FRAS1: variants seen among roughly 807,000 people sequenced by gnomAD.
FRAS1 encodes extracellular matrix organizing protein FRAS1.
FRAS1 carries 290 observed loss-of-function variants against 435.2 expected under a neutral mutation model. The observed-to-expected ratio is 0.67, with a 90% CI of 0.61 to 0.73. The LOEUF is 0.73. Ranked by LOEUF, FRAS1 falls within the 30% of genes least tolerant of loss-of-function variation. The probability of loss-of-function intolerance (pLI) is 0.00; values close to 1 mark genes in which losing one functional copy is unlikely to be tolerated. For synonymous variants in FRAS1, 1,800 were observed against 1,851.0 expected, an observed-to-expected ratio of 0.97 and a Z score of 0.71; for missense variants, 4,860 against 5,001.5, an observed-to-expected ratio of 0.97 and a Z score of 0.85.
In FRAS1 at chr4:78,180,495, T is replaced by C. The variant is rs1721951839; in HGVS notation, c.109-57015T>C. The stretch of plus-strand genomic sequence containing the variant: ...GTAATTGGGGGAACTTCTAAATCCT[T>C]AATTAAAAAACACAAATGAAGTGAA... On this transcript the variant is annotated intron_variant, in intron 2 of 73. Transcript: ENST00000512123. Among the ~76,000 whole-genome samples, 6 of 152,168 alleles carry C rather than the reference T, an allele frequency of 3.9e-5. No individual in the cohort carries two copies. The South Asian group carries it at 1.2e-3, about 31-fold the overall frequency.
intron 19 of FRAS1, among the ~76,000 whole-genome samples, chr4:78,334,369 T>TC (rs1271869442): frequency 3.1e-5 from 3 of 97,264 alleles, no homozygotes; most frequent in East Asian, 2.2e-4. Flanking sequence ...TTTTCTTTTT[T>TC]TTTTTTTTTT....
intron 2 of FRAS1, among the ~76,000 whole-genome samples, chr4:78,151,093 A>G (rs1054914652): frequency 6.6e-6 from 1 of 152,200 alleles, no homozygotes; most frequent in Non-Finnish European, 1.5e-5. Flanking sequence ...TTTCACCACC[A>G]CTAATGAGAT....
intron 29 of FRAS1, among the ~76,000 whole-genome samples, chr4:78,399,325 G>A (rs1409393839): frequency 1.3e-5 from 2 of 152,156 alleles, no homozygotes; most frequent in African/African-American, 2.4e-5. Context: ...TCTTTTCAGA[G>A]TATTCTTCTC....
At chr4:78,418,709 G>C (rs1003675844) in intron 32 of FRAS1, among the ~76,000 whole-genome samples, 6 of 152,156 alleles carry the variant, frequency 3.9e-5, no homozygotes, top group Non-Finnish European at 8.8e-5. Context: ...CGGGCAGTTG[G>C]GGGAGAGGAG....
intron 6 of FRAS1, among the ~76,000 whole-genome samples, chr4:78,256,661 C>T (rs1286150741): frequency 6.6e-6 from 1 of 152,076 alleles, no homozygotes; most frequent in Non-Finnish European, 1.5e-5. Context: ...TAGCTTCATG[C>T]ACAATATTCA....
intron 4 of FRAS1, among the ~76,000 whole-genome samples, chr4:78,248,422 C>T (rs962056175): frequency 3.3e-5 from 5 of 152,064 alleles, no homozygotes; most frequent in African/African-American, 9.7e-5. Context: ...CTAATCTAAC[C>T]TCAGCACCAG....
intron 72 of FRAS1, 48 bp downstream of exon 72, chr4:78,537,248 G>A (rs1721914385): frequency 1.9e-6 from 3 of 1,545,524 alleles, no homozygotes; most frequent in Non-Finnish European, 2.6e-6. Flanking sequence ...CACTTGAGCA[G>A]ATTTCCTCAG....
chr4:78,475,672 G>A, intron 54 of FRAS1, 66 bp downstream of exon 54: 1 of 1,427,816 alleles, frequency 7.0e-7, no homozygotes, highest in Non-Finnish European at 9.3e-7. Flanking sequence ...AAGCAATTGT[G>A]GCACTTTCCT....
At chr4:78,250,179 G>A (rs890297348) in intron 4 of FRAS1, among the ~76,000 whole-genome samples, 1 of 152,012 alleles carries the variant, frequency 6.6e-6, no homozygotes, top group African/African-American at 2.4e-5. Flanking sequence ...ATTTGGAAAA[G>A]AGAAAAGTAT....
At chr4:78,434,582 T>C (rs541645604) in intron 38 of FRAS1, among the ~76,000 whole-genome samples, 15 of 152,296 alleles carry the variant, frequency 9.8e-5, no homozygotes, top group Admixed American at 2.6e-4. Flanking sequence ...TATGAGTAAA[T>C]GTAACAAAAG....
intron 2 of FRAS1, among the ~76,000 whole-genome samples, chr4:78,099,761 G>T (rs1406915003): frequency 6.6e-6 from 1 of 152,074 alleles, no homozygotes; most frequent in Non-Finnish European, 1.5e-5. Flanking sequence ...GAGGTATGTT[G>T]GATATAAATG....
intron 3 of FRAS1, among the ~76,000 whole-genome samples, chr4:78,239,555 T>C (rs759184869): frequency 6.6e-6 from 1 of 152,190 alleles, no homozygotes; most frequent in Non-Finnish European, 1.5e-5. Flanking sequence ...ACCCCTCCAA[T>C]GGCTTCCAGT....
intron 2 of FRAS1, among the ~76,000 whole-genome samples, chr4:78,202,254 A>C (rs1723077227): frequency 6.6e-6 from 1 of 152,196 alleles, no homozygotes; most frequent in South Asian, 2.1e-4. Context: ...TCATGAGTGG[A>C]TTGAACTTTT....
Position 78,204,668 on chromosome 4 carries a change from A to G in FRAS1, c.109-32842A>G, listed in dbSNP as rs187100370. Among the ~76,000 whole-genome samples, 19 of 152,300 alleles carry G rather than the reference A, an allele frequency of 1.2e-4. 1 individual carries two copies. The highest frequency in any genetic ancestry group is 7.8e-4 in the Admixed American group (12 of 15,288). ...TACCAGCGATTTTTTCCTCCTTTTC[A>G]TAGTCCACAAAGTGCACCATATGGA... On this transcript the variant is annotated intron_variant, in intron 2 of 73. Transcript: ENST00000512123.
In FRAS1 at chr4:78,325,969, TAGTATAA is replaced by T. The variant is rs1358087966; in HGVS notation, c.2137+6987_2137+6993del. ...AAGTACAGCGTGTTTGGTATTCTTATAGTATAAAGTCCAAAGAGGAGAATTGTGCAGA... is the reference window on the plus strand; with the variant it reads ...AAGTACAGCGTGTTTGGTATTCTTATAGTCCAAAGAGGAGAATTGTGCAGA... On this transcript the variant is annotated intron_variant, in intron 18 of 73. Coordinates refer to ENST00000512123, the MANE Select transcript of FRAS1 (RefSeq NM_025074.7). Among the ~76,000 whole-genome samples, 10 of 152,306 alleles carry T rather than the reference TAGTATAA, an allele frequency of 6.6e-5. 1 individual carries two copies. Among genetic ancestry groups the T allele is most frequent in the African/African-American group, 2.2e-4 (9 of 41,566 alleles).
chr4:78,251,156 C>A (rs1246432776), intron 4 of FRAS1, among the ~76,000 whole-genome samples: 1 of 152,054 alleles, frequency 6.6e-6, no homozygotes, highest in Non-Finnish European at 1.5e-5. Context: ...GTCAATTGCC[C>A]TGTCTTTTAT....
At position 78,396,530 on chromosome 4, in the gene FRAS1, C is replaced by G. The variant is rs545583326; in HGVS notation, c.3976-4204C>G. Among the ~76,000 whole-genome samples, 10 of 152,258 alleles carry G rather than the reference C, an allele frequency of 6.6e-5. No individual in the cohort carries two copies. In the South Asian group the frequency reaches 2.1e-3, roughly 32 times the overall value. On this transcript the variant is annotated intron_variant, in intron 29 of 73. Coordinates refer to ENST00000512123, the MANE Select transcript of FRAS1 (RefSeq NM_025074.7). ...TATTCTTGATTGGCAGTTTTTTTCT[C>G]TAAGTGTTTCGAATATATCATCTCA...
At chr4:78,194,281 T>C (rs1439599980) in intron 2 of FRAS1, among the ~76,000 whole-genome samples, 1 of 152,212 alleles carries the variant, frequency 6.6e-6, no homozygotes, top group Non-Finnish European at 1.5e-5. Flanking sequence ...AATATCTTTG[T>C]GGCATTCTCT....
intron 40 of FRAS1, among the ~76,000 whole-genome samples, chr4:78,440,017 CTTTTTTTTTTTTTT>C (rs1163344254): frequency 1.1e-5 from 1 of 93,034 alleles, no homozygotes; most frequent in Non-Finnish European, 2.1e-5. Flanking sequence ...TAAGTCATTT[CTTTTTTTTTTTTTT>C]TTTTTTTTTT....
Sources: allele counts gnomAD v4.1 joint callset (sites outside exome capture counted in the v4.1 genomes callset), GRCh38; gene constraint gnomAD v4.1.1; transcripts MANE v1.5; gene names NCBI Gene and HGNC (gene_info 2026-07-23, HGNC 2026-07-21).